Variants in RASGRP4 observed in about 807,000 individuals in gnomAD.
The protein encoded by RASGRP4 is RAS guanyl releasing protein 4.
RASGRP4 carries 52 observed loss-of-function variants against 84.4 expected under a neutral mutation model. That is an observed-to-expected ratio of 0.62 (90% confidence interval 0.49 to 0.78). The LOEUF (loss-of-function observed/expected upper bound fraction) is 0.78, where lower values mean the gene tolerates loss of function less well. Among genes scored for constraint, RASGRP4 ranks in the 30% least tolerant of loss-of-function variants. The pLI is 0.00. For synonymous variants in RASGRP4, 356 were observed against 359.1 expected (o/e 0.99, Z 0.10); for missense variants, 760 against 886.9 (o/e 0.86, Z 1.82).
rs1208664258 is a variant in RASGRP4 at position 38,410,011 on chromosome 19, A to G, written c.*29T>C. On this transcript the variant is annotated 3_prime_UTR_variant, in exon 17 of 17. Transcript: ENST00000615439. Reference sequence around the variant, plus strand: ...GACTCAGGACTGACTGGGGGAAGGGAGTGAGGAAGAGAGGAGACCAAGAGA... The same window carrying G: ...GACTCAGGACTGACTGGGGGAAGGGGGTGAGGAAGAGAGGAGACCAAGAGA... 2 of 1,590,158 alleles carry G rather than the reference A, an allele frequency of 1.3e-6. No homozygotes were observed. Among genetic ancestry groups the G allele is most frequent in the Admixed American group, 1.7e-5 (1 of 58,798 alleles).
In RASGRP4 at chr19:38,425,899, G is replaced by A. The variant is rs557899086; in HGVS notation, c.23+170C>T. Among the ~76,000 whole-genome samples the A allele has an allele frequency of 5.9e-5, 9 of 152,242 alleles. 1 individual carries two copies. The South Asian group carries it at 8.3e-4, about 14-fold the overall frequency. On this transcript the variant is annotated intron_variant, in intron 1 of 16. Transcript: ENST00000615439. ...CACGGTACAGATGCCACATACAAGCGACTGCAGCCGTAGCTGGCTCCAGAC... is the reference window on the plus strand; with the variant it reads ...CACGGTACAGATGCCACATACAAGCAACTGCAGCCGTAGCTGGCTCCAGAC...
chr19:38,425,188 A>C (rs1489096805), intron 1 of RASGRP4, among the ~76,000 whole-genome samples: 1 of 149,558 alleles, frequency 6.7e-6, no homozygotes, highest in Non-Finnish European at 1.5e-5. Context: ...CGTCTCAAAA[A>C]AAAAAAACAA....
chr19:38,426,147 TC>T lies in RASGRP4; in HGVS notation c.-57del. On this transcript the variant is annotated 5_prime_UTR_variant, in exon 1 of 17. Transcript: ENST00000615439. ...TCTTGCAAGAGTAGGGCTCAGCTCC[TC>T]CCCTTGCCCAGGACTCCAGCTTCTC... The T allele has an allele frequency of 7.9e-7, 1 of 1,272,060 alleles. No individual in the cohort carries two copies. The highest frequency in any genetic ancestry group is 1.0e-6 in the Non-Finnish European group (1 of 996,068). The allele number at this position is 1,272,060 out of a possible 1,614,324, so 78.8% of individuals were successfully genotyped here.
rs916892323 is a variant in RASGRP4, at chr19:38,418,033, C to A, written c.837+358G>T. 1.1e-4 allele frequency among the ~76,000 whole-genome samples: 16 copies of A among 151,396 alleles called. No homozygotes were observed. The highest frequency in any genetic ancestry group is 1.0e-3 in the Admixed American group (16 of 15,244). On this transcript the variant is annotated intron_variant, in intron 7 of 16. Transcript: ENST00000615439. The surrounding 1 kb of genome is among the most constrained non-coding windows in gnomAD (Gnocchi z 4.6). ...TGGGGAGCGATGCACAATCCCGAAG[C>A]GACCGCTGGGGCCTGGGGACTGGGG...
Position 38,413,413 on chromosome 19 carries a change from G to A in RASGRP4, c.1292C>T (p.Pro431Leu), listed in dbSNP as rs769519232. ...TCTCACCAGGCTCTTGGGACAACGC[G>A]GCTCCCGGGCATAAGAAAGCTCATA... Reference protein sequence around the residue: ...EIYELSYAREPRCPKSLPPSP... With the variant: ...EIYELSYARELRCPKSLPPSP... Residue 431 changes from proline to leucine, a missense_variant, in exon 10 of 17, where the codon CCG (proline) becomes CTG (leucine). Coordinates refer to ENST00000615439, the MANE Select transcript of RASGRP4 (RefSeq NM_170604.3). The surrounding 1 kb of genome is among the most constrained non-coding windows in gnomAD (Gnocchi z 4.7). The A allele has an allele frequency of 1.1e-5, 17 of 1,608,394 alleles. No homozygotes were observed. Among genetic ancestry groups the A allele is most frequent in the Non-Finnish European group, 1.1e-5 (13 of 1,177,422 alleles).
rs940278361 is a variant in RASGRP4 at position 38,413,805 on chromosome 19, C to T, written c.1231-331G>A. On this transcript the variant is annotated intron_variant, in intron 9 of 16. Coordinates refer to ENST00000615439, the MANE Select transcript of RASGRP4 (RefSeq NM_170604.3). The surrounding 1 kb of genome is among the most constrained non-coding windows in gnomAD (Gnocchi z 4.7). The stretch of plus-strand genomic sequence containing the variant: ...GGCTATCAGCATGAGAAGCTCAGAA[C>T]CTTGGAGTTTAAGAATGTGAACCCC... Among the ~76,000 whole-genome samples, 3 of 152,150 alleles carry T rather than the reference C, an allele frequency of 2.0e-5. No individual in the cohort carries two copies. The highest frequency in any genetic ancestry group is 7.2e-5 in the African/African-American group (3 of 41,414).
chr19:38,411,030 C>T (rs201058827), intron 15 of RASGRP4, 32 bp from the exon 16 acceptor site: 2 of 1,610,098 alleles, frequency 1.2e-6, no homozygotes, highest in African/African-American at 1.3e-5. Context: ...GGATGTGGGT[C>T]TGATGGGAAG....
Position 38,412,606 on chromosome 19 carries a change from G to T in RASGRP4, c.1680+66C>A, listed in dbSNP as rs1971307121. ...ATTTCTGGAATTTGGGGGTTATCTG[G>T]GGTTTGCGGACTGCCGGCTTCAGGA... On this transcript the variant is annotated intron_variant, in intron 13 of 16. Coordinates refer to ENST00000615439, the MANE Select transcript of RASGRP4 (RefSeq NM_170604.3). The surrounding 1 kb of genome is among the most constrained non-coding windows in gnomAD (Gnocchi z 4.6). 4.7e-6 allele frequency: 7 copies of T among 1,495,934 alleles called. No homozygotes were observed. The highest frequency in any genetic ancestry group is 6.4e-6 in the Non-Finnish European group (7 of 1,101,148). 92.7% of individuals were successfully genotyped at this position (1,495,934 alleles called of 1,614,324 possible).
Position 38,420,854 on chromosome 19 carries a change from G to A in RASGRP4, c.377+54C>T, listed in dbSNP as rs946716896. The A allele has an allele frequency of 6.5e-6, 10 of 1,542,206 alleles. No individual in the cohort carries two copies. In the African/African-American group the frequency reaches 1.4e-4, roughly 21 times the overall value. On this transcript the variant is annotated intron_variant, in intron 4 of 16. Transcript: ENST00000615439. ...TCTCTGAGGAATGTTTTTTGAGGGG[G>A]AAGCAGGATGGAAGTCGTGGGTCCT...
intron 9 of RASGRP4, among the ~76,000 whole-genome samples, chr19:38,414,512 G>A (rs1226144111): frequency 6.6e-6 from 1 of 152,058 alleles, no homozygotes; most frequent in East Asian, 1.9e-4. Context: ...TTTTAGTAGA[G>A]ACGGGGTTTC....
In RASGRP4 at chr19:38,421,603, T is replaced by C. The variant is rs186150708; in HGVS notation, c.208+366A>G. ...GGCATGTGCCTGTAATCCTAGCTAC[T>C]CGGGAAGCTGAGGCAGGAGAATCTC... On this transcript the variant is annotated intron_variant, in intron 2 of 16. Transcript: ENST00000615439. 4.6e-3 allele frequency among the ~76,000 whole-genome samples: 693 copies of C among 151,976 alleles called. 11 individuals are homozygous for C. The highest frequency in any genetic ancestry group is 0.015 in the African/African-American group (641 of 41,412).
At chr19:38,424,188 C>T (rs1024505448) in intron 1 of RASGRP4, among the ~76,000 whole-genome samples, 2 of 151,180 alleles carry the variant, frequency 1.3e-5, no homozygotes, top group Non-Finnish European at 3.0e-5. Context: ...GGTGCGATCT[C>T]AGCTCACTGC....
chr19:38,424,606 T>C (rs1049289610), intron 1 of RASGRP4, among the ~76,000 whole-genome samples: 1 of 121,186 alleles, frequency 8.3e-6, no homozygotes, highest in African/African-American at 3.0e-5. Flanking sequence ...TGTGTTTGGG[T>C]GTGTGTCAAT....
rs1479883047 is a variant in RASGRP4 at position 38,422,237 on chromosome 19, G to T, written c.24-84C>A. The T allele has an allele frequency of 6.9e-6, 9 of 1,307,970 alleles. No homozygotes were observed. The East Asian group carries it at 1.7e-4, about 25-fold the overall frequency. The allele number at this position is 1,307,970 out of a possible 1,614,324, so 81.0% of individuals were successfully genotyped here. On this transcript the variant is annotated intron_variant, in intron 1 of 16. Transcript: ENST00000615439. ...TTCCTTTTGACTCTAATGCCCCAAG[G>T]CACCACGGGAGAGGCTTCCTAAAGG... is the stretch of plus-strand genomic sequence containing the variant.
Position 38,410,906 on chromosome 19 carries a change from G to C in RASGRP4, c.1945C>G (p.Pro649Ala), listed in dbSNP as rs1473927492. Residue 649 changes from proline to alanine, a missense_variant, in exon 16 of 17, where the codon CCT (proline) becomes GCT (alanine). Coordinates refer to ENST00000615439, the MANE Select transcript of RASGRP4 (RefSeq NM_170604.3). Reference protein sequence around the residue: ...HAWTQTESPHPSWETDTVPCP... With the variant: ...HAWTQTESPHASWETDTVPCP... Reference sequence around the variant, plus strand: ...CTCACCGTATCTGTTTCCCAGGAAGGGTGTGGGGATTCAGTCTGGGTCCAG... The same window carrying C: ...CTCACCGTATCTGTTTCCCAGGAAGCGTGTGGGGATTCAGTCTGGGTCCAG... The C allele has an allele frequency of 6.2e-7, 1 of 1,600,406 alleles. No homozygotes were observed. The highest frequency in any genetic ancestry group is 1.3e-5 in the African/African-American group (1 of 74,686).
Position 38,410,997 on chromosome 19 carries a change from G to A in RASGRP4, c.1854C>T (p.Gly618=), listed in dbSNP as rs1310447280. 13 of 1,604,624 alleles carry A rather than the reference G, an allele frequency of 8.1e-6. No homozygotes were observed. The highest frequency in any genetic ancestry group is 5.2e-5 in the Admixed American group (3 of 58,098). ...PSTPAPHASC[G]SEENHSYTLS... is the part of the protein sequence containing the mutation. Reference sequence around the variant, plus strand: ...GCGTGTAGGAGTGATTTTCCTCGGAGCCTGTTTGTGGGTGGATGGAAGGGA... The same window carrying A: ...GCGTGTAGGAGTGATTTTCCTCGGAACCTGTTTGTGGGTGGATGGAAGGGA... The change falls in exon 16 of 17, where the codon GGC becomes GGT. Residue 618 remains glycine, a splice_region_variant and synonymous_variant. Coordinates refer to ENST00000615439, the MANE Select transcript of RASGRP4 (RefSeq NM_170604.3).
intron 2 of RASGRP4, among the ~76,000 whole-genome samples, chr19:38,421,754 A>G (rs1971760797): frequency 6.7e-6 from 1 of 148,446 alleles, no homozygotes; most frequent in African/African-American, 2.5e-5. Flanking sequence ...ATATAAATAT[A>G]TATAATATAC....
chr19:38,420,010 C>T lies in RASGRP4; in HGVS notation c.513G>A (p.Leu171=). 2 of 1,613,504 alleles carry T rather than the reference C, an allele frequency of 1.2e-6. No homozygotes were observed. The highest frequency in any genetic ancestry group is 1.7e-6 in the Non-Finnish European group (2 of 1,179,506). ...GTGGGGGGCCAGGGCCACCAGGGCT[C>T]AGGCTGGGGGCCAAGAGGGGCAGGG... ...QRRLGDSSDL[L]SPGGPGPPLP... is the part of the protein sequence containing the mutation. Residue 171 remains leucine (L), a synonymous_variant, in exon 6 of 17, where the codon CTG becomes CTA. Coordinates refer to ENST00000615439, the MANE Select transcript of RASGRP4 (RefSeq NM_170604.3).
Position 38,414,892 on chromosome 19 carries a change from G to T in RASGRP4, c.1186C>A (p.His396Asn), listed in dbSNP as rs753842105. The T allele has an allele frequency of 6.2e-7, 1 of 1,606,734 alleles. No homozygotes were observed. The highest frequency in any genetic ancestry group is 8.5e-7 in the Non-Finnish European group (1 of 1,177,062). Residue 396 changes from histidine (H) to asparagine (N), a missense_variant, in exon 9 of 17, where the codon CAT (histidine) becomes AAT (asparagine). Transcript: ENST00000615439. Reference sequence around the variant, plus strand: ...TCCTCATTGGCGCTGCAGGGTGGATGCTGCCCTTGGAGGGCCACCAGCTCC... The same window carrying T: ...TCCTCATTGGCGCTGCAGGGTGGATTCTGCCCTTGGAGGGCCACCAGCTCC... ...LQELVALQGQHPPCSANEDLL... is the reference protein window; with the variant it reads ...LQELVALQGQNPPCSANEDLL...
Sources: allele counts gnomAD v4.1 joint callset (sites outside exome capture counted in the v4.1 genomes callset), GRCh38; gene constraint gnomAD v4.1.1; non-coding constraint Gnocchi (gnomAD v3.1); transcripts MANE v1.5; gene names NCBI Gene and HGNC (gene_info 2026-07-23, HGNC 2026-07-21).